Variants in YLPM1 observed in about 807,000 individuals in gnomAD.
YLPM1 encodes the protein YLP motif containing 1.
In YLPM1, 99 loss-of-function variants were observed where a neutral mutation model predicts 230.0. That is an observed-to-expected ratio of 0.43 (90% confidence interval 0.37 to 0.51). YLPM1 has a LOEUF of 0.51. YLPM1 is among the 20% of genes least tolerant of loss of function. The pLI is 0.00. For synonymous variants in YLPM1, 984 were observed against 942.5 expected (o/e 1.04, Z -0.81); for missense variants, 2,592 against 2,707.7 (o/e 0.96, Z 0.95).
intron 5 of YLPM1, among the ~76,000 whole-genome samples, chr14:74,801,332 C>T (rs2091322522): frequency 6.6e-6 from 1 of 151,854 alleles, no homozygotes; most frequent in Admixed American, 6.6e-5. Flanking sequence ...AATAATCTTA[C>T]ACACTTGACC....
rs183899625 is a variant in YLPM1 at position 74,829,562 on chromosome 14, C to T, written c.6294+219C>T. 3.9e-5 allele frequency among the ~76,000 whole-genome samples: 6 copies of T among 152,228 alleles called. No homozygotes were observed. In the East Asian group the frequency reaches 7.7e-4, roughly 20 times the overall value. On this transcript the variant is annotated intron_variant, in intron 19 of 20. Transcript: ENST00000325680. Reference sequence around the variant, plus strand: ...AGAACAGAACCTCACATGGCTAGCACGTTGTCAACCTTAAAGGCATTGGGA... The same window carrying T: ...AGAACAGAACCTCACATGGCTAGCATGTTGTCAACCTTAAAGGCATTGGGA...
intron 17 of YLPM1, 150 bp downstream of exon 17, chr14:74,821,287 ACT>A: frequency 1.7e-6 from 2 of 1,191,654 alleles, no homozygotes; most frequent in Non-Finnish European, 2.2e-6. Context: ...ACTTTTGGAT[ACT>A]CTTTATTTTT....
chr14:74,788,117 CTTT>C (rs55982413), intron 4 of YLPM1, among the ~76,000 whole-genome samples: 2 of 148,836 alleles, frequency 1.3e-5, no homozygotes, highest in Non-Finnish European at 3.0e-5. Context: ...GTCACATACC[CTTT>C]TTTTTTTTCT....
chr14:74,809,210 C>T (rs541742519), intron 6 of YLPM1, among the ~76,000 whole-genome samples, 170 bp from the exon 7 acceptor site: 6 of 151,522 alleles, frequency 4.0e-5, no homozygotes, highest in Admixed American at 6.6e-5. Flanking sequence ...TTCTCCCTTT[C>T]TGTGGCTTGT....
At chr14:74,803,947 C>G (rs1342599134) in intron 6 of YLPM1, among the ~76,000 whole-genome samples, 3 of 152,148 alleles carry the variant, frequency 2.0e-5, no homozygotes, top group Non-Finnish European at 4.4e-5. Context: ...CACTTGAGGT[C>G]GGGAGTTTGA....
At chr14:74,777,086 T>C (rs1422386028) in intron 1 of YLPM1, among the ~76,000 whole-genome samples, 2 of 151,414 alleles carry the variant, frequency 1.3e-5, no homozygotes, top group Non-Finnish European at 3.0e-5. Context: ...TTTTAGCAAG[T>C]AGGCAAATTT....
At chr14:74,805,270 C>G (rs1362603286) in intron 6 of YLPM1, among the ~76,000 whole-genome samples, 1 of 152,114 alleles carries the variant, frequency 6.6e-6, no homozygotes, top group Non-Finnish European at 1.5e-5. Context: ...ATCCACCTGC[C>G]TCAGCCTCCG....
intron 17 of YLPM1, among the ~76,000 whole-genome samples, chr14:74,822,602 C>T (rs1331786170): frequency 6.6e-6 from 1 of 152,130 alleles, no homozygotes; most frequent in Non-Finnish European, 1.5e-5. Context: ...AATGAATACA[C>T]TTGTCTGCCT....
At chr14:74,772,164 C>T (rs1389719972) in intron 1 of YLPM1, among the ~76,000 whole-genome samples, 2 of 151,752 alleles carry the variant, frequency 1.3e-5, no homozygotes, top group East Asian at 1.9e-4. Flanking sequence ...TAGTTCATTA[C>T]TAGCAGCAGT....
intron 5 of YLPM1, among the ~76,000 whole-genome samples, chr14:74,800,118 G>C (rs192520597): frequency 6.6e-6 from 1 of 152,212 alleles, no homozygotes; most frequent in Non-Finnish European, 1.5e-5. Context: ...GGAAAGTGCT[G>C]TATTTTTCTT....
chr14:74,815,419 G>A (rs923982560), intron 11 of YLPM1, among the ~76,000 whole-genome samples: 9 of 151,814 alleles, frequency 5.9e-5, no homozygotes, highest in East Asian at 1.9e-4. Flanking sequence ...AAAATTAGGC[G>A]GGCGTGGTGG....
intron 17 of YLPM1, chr14:74,823,922 T>C (rs1012205664): frequency 1.6e-5 from 3 of 191,370 alleles, no homozygotes; most frequent in South Asian, 3.3e-4. Context: ...GTAATATTAA[T>C]ATTAGCACAG....
In YLPM1 at chr14:74,764,122, C is replaced by T. The variant is rs764160985; in HGVS notation, c.633C>T (p.Ser211=). The T allele has an allele frequency of 3.7e-6, 6 of 1,613,642 alleles. No individual in the cohort carries two copies. In the South Asian group the frequency reaches 6.6e-5, roughly 18 times the overall value. ...CCACCCCTTCTTACTCATCCTCCTC[C>T]TCTTCCTCGCAATCCTATTTGAGCC... The part of the protein sequence containing the change: ...LAPTPSYSSS[S]SSSQSYLSHS... The change falls in exon 1 of 21, where the codon TCC becomes TCT. Residue 211 remains serine, a synonymous_variant. Coordinates refer to ENST00000325680, the MANE Select transcript of YLPM1 (RefSeq NM_019589.3).
chr14:74,832,797 CATTT>C (rs2091617383), intron 19 of YLPM1, among the ~76,000 whole-genome samples: 1 of 152,106 alleles, frequency 6.6e-6, no homozygotes, highest in Admixed American at 6.6e-5. Context: ...AAATCTTGAA[CATTT>C]ATTCGCAAAC....
At chr14:74,810,053 T>C in intron 8 of YLPM1, 51 bp downstream of exon 8, 1 of 1,516,104 alleles carries the variant, frequency 6.6e-7, no homozygotes, top group Non-Finnish European at 8.9e-7. Flanking sequence ...GGCCTAATTA[T>C]CACATGATTT....
At chr14:74,834,530 T>C (rs1254472284) in intron 19 of YLPM1, among the ~76,000 whole-genome samples, 7 of 152,114 alleles carry the variant, frequency 4.6e-5, no homozygotes, top group Non-Finnish European at 1.0e-4. Flanking sequence ...AGCAGACATA[T>C]CAAAATCCGG....
At chr14:74,788,117 C>CTTTTTTTTTTTTTTT (rs55982413) in intron 4 of YLPM1, among the ~76,000 whole-genome samples, 2 of 148,838 alleles carry the variant, frequency 1.3e-5, no homozygotes, top group Non-Finnish European at 1.5e-5. Context: ...GTCACATACC[C>CTTTTTTTTTTTTTTT]TTTTTTTTTT....
chr14:74,830,141 A>G (rs1324626494), intron 19 of YLPM1, among the ~76,000 whole-genome samples: 1 of 152,250 alleles, frequency 6.6e-6, no homozygotes, highest in East Asian at 1.9e-4. Context: ...AATGGCTGCT[A>G]GATGTTGGCA....
At chr14:74,767,741 T>C (rs1452260569) in intron 1 of YLPM1, among the ~76,000 whole-genome samples, 2 of 152,252 alleles carry the variant, frequency 1.3e-5, no homozygotes, top group East Asian at 3.8e-4. Context: ...GTTGTCAGTT[T>C]TCCTGTAGAA....
Sources: allele counts gnomAD v4.1 joint callset (sites outside exome capture counted in the v4.1 genomes callset), GRCh38; gene constraint gnomAD v4.1.1; transcripts MANE v1.5; gene names NCBI Gene and HGNC (gene_info 2026-07-23, HGNC 2026-07-21).